Variants in HERC4 observed in about 807,000 individuals in gnomAD.
HERC4 encodes the protein probable E3 ubiquitin-protein ligase HERC4.
Under a neutral mutation model 124.3 loss-of-function variants are expected in HERC4, and 28 were observed. The observed-to-expected ratio is 0.23, with a 90% CI of 0.17 to 0.31. The LOEUF is 0.31. HERC4 is among the 10% of genes least tolerant of loss of function. The pLI is 1.00. For synonymous variants in HERC4, 407 were observed against 421.5 expected (o/e 0.97, Z 0.42); for missense variants, 713 against 1,229.3 (o/e 0.58, Z 6.28).
At chr10:67,973,854 C>T (rs2035401218) in intron 15 of HERC4, among the ~76,000 whole-genome samples, 1 of 151,910 alleles carries the variant, frequency 6.6e-6, no homozygotes, top group Admixed American at 6.6e-5. Context: ...GAGATCGAGA[C>T]CATTCAACAT....
intron 22 of HERC4, 99 bp from the exon 23 acceptor site, chr10:67,932,879 T>C: frequency 9.7e-7 from 1 of 1,030,710 alleles, no homozygotes; most frequent in Non-Finnish European, 1.4e-6. Context: ...CAATTTCTGC[T>C]ACATATCTAC....
chr10:68,029,228 C>T (rs917534514), intron 7 of HERC4, among the ~76,000 whole-genome samples: 1 of 152,078 alleles, frequency 6.6e-6, no homozygotes, highest in African/African-American at 2.4e-5. Context: ...CAGTGGCTCA[C>T]GCCTATAATC....
chr10:67,981,793 A>G (rs2035945930), intron 15 of HERC4, among the ~76,000 whole-genome samples: 1 of 152,036 alleles, frequency 6.6e-6, no homozygotes, highest in African/African-American at 2.4e-5. Context: ...CCCCATCTCT[A>G]CTAAAAAATA....
chr10:68,010,609 C>A (rs757668469), intron 9 of HERC4: 30 of 1,348,690 alleles, frequency 2.2e-5, no homozygotes, highest in Non-Finnish European at 3.0e-5. Flanking sequence ...ACGAGGGTTT[C>A]GGCTTTGCAT....
chr10:68,059,802 ATATAT>A (rs1265229003), intron 3 of HERC4, among the ~76,000 whole-genome samples: 5 of 88,650 alleles, frequency 5.6e-5, no homozygotes, highest in Non-Finnish European at 9.1e-5. Context: ...TCATAATATT[ATATAT>A]TATAATATTA....
At chr10:68,042,286 C>T (rs1032657039) in intron 4 of HERC4, among the ~76,000 whole-genome samples, 1 of 152,132 alleles carries the variant, frequency 6.6e-6, no homozygotes, top group Admixed American at 6.5e-5. Flanking sequence ...GGATTACAGG[C>T]GTGAGCCACT....
intron 15 of HERC4, among the ~76,000 whole-genome samples, chr10:67,978,601 A>G (rs1343464537): frequency 1.3e-5 from 2 of 152,214 alleles, no homozygotes; most frequent in South Asian, 2.1e-4. Flanking sequence ...GTGATTGTAG[A>G]GCGCCAGCAC....
chr10:68,032,060 C>CT (rs2039236145), intron 7 of HERC4, among the ~76,000 whole-genome samples: 1 of 152,146 alleles, frequency 6.6e-6, no homozygotes, highest in African/African-American at 2.4e-5. Context: ...ACGTTAATGT[C>CT]TTTTTACCAA....
In HERC4 at chr10:68,007,023, T is replaced by C. The variant is rs947651023; in HGVS notation, c.1069+7003A>G. ...TGAATACTGATATTTTTCTTTAGGA[T>C]TGAAAAGGTCTCTATTATTAGCTCT... On this transcript the variant is annotated intron_variant, in intron 9 of 24. Coordinates refer to ENST00000373700, the MANE Select transcript of HERC4 (RefSeq NM_015601.4). 2.6e-5 allele frequency among the ~76,000 whole-genome samples: 4 copies of C among 152,212 alleles called. No homozygotes were observed. The South Asian group carries it at 6.2e-4, about 24-fold the overall frequency.
At chr10:67,980,951 T>C (rs936558183) in intron 15 of HERC4, among the ~76,000 whole-genome samples, 1 of 149,846 alleles carries the variant, frequency 6.7e-6, no homozygotes, top group African/African-American at 2.5e-5. Flanking sequence ...CCAGAGAAAA[T>C]CACCTTCACT....
chr10:67,990,094 T>G, intron 14 of HERC4, 117 bp downstream of exon 14: 1 of 695,178 alleles, frequency 1.4e-6, no homozygotes, highest in Non-Finnish European at 2.3e-6. Flanking sequence ...AGGTTCATTT[T>G]TGCCTAAGAC....
intron 23 of HERC4, among the ~76,000 whole-genome samples, chr10:67,927,911 A>G (rs2031321128): frequency 6.6e-6 from 1 of 152,108 alleles, no homozygotes; most frequent in African/African-American, 2.4e-5. Flanking sequence ...GAGCAACCTA[A>G]GTAAAATTAT....
In HERC4 at chr10:67,922,394, C is replaced by CT. The variant is rs909270064; in HGVS notation, c.*536dup. Reference sequence around the variant, plus strand: ...GTTTCCACCATGCTACCTTTTTTTTCTTTTTATAGAGTCTCAGAGTAAGAT... The same window carrying CT: ...GTTTCCACCATGCTACCTTTTTTTTCTTTTTTATAGAGTCTCAGAGTAAGAT... On this transcript the variant is annotated 3_prime_UTR_variant, in exon 25 of 25. Coordinates refer to ENST00000373700, the MANE Select transcript of HERC4 (RefSeq NM_015601.4). The CT allele has an allele frequency of 3.3e-5, 5 of 151,190 alleles. No homozygotes were observed. Among genetic ancestry groups the CT allele is most frequent in the African/African-American group, 1.2e-4 (5 of 41,242 alleles). 9.4% of individuals were successfully genotyped at this position (151,190 alleles called of 1,614,324 possible).
intron 9 of HERC4, among the ~76,000 whole-genome samples, chr10:68,011,075 G>C (rs918175542): frequency 6.6e-6 from 1 of 152,116 alleles, no homozygotes; most frequent in Admixed American, 6.6e-5. Context: ...TTCCTCCCAT[G>C]AATCAAAGAC....
rs2032822889 is a variant in HERC4, at chr10:67,940,850, T to C, written c.2504+89A>G. 6.3e-6 allele frequency: 7 copies of C among 1,116,592 alleles called. No homozygotes were observed. The South Asian group carries it at 9.0e-5, about 14-fold the overall frequency. 69.2% of individuals were successfully genotyped at this position (1,116,592 alleles called of 1,614,324 possible). ...GAAATTTAACAAGAAGAACAAAATA[T>C]ATTTTTTCATAGAAGGAAAGCTTTC... is the stretch of plus-strand genomic sequence containing the variant. On this transcript the variant is annotated intron_variant, in intron 20 of 24. Coordinates refer to ENST00000373700, the MANE Select transcript of HERC4 (RefSeq NM_015601.4).
At chr10:67,937,871 G>A (rs2032507569) in intron 21 of HERC4, among the ~76,000 whole-genome samples, 1 of 151,628 alleles carries the variant, frequency 6.6e-6, no homozygotes, top group Admixed American at 6.6e-5. Flanking sequence ...TAGTAGAGAC[G>A]GGGTTTCACC....
intron 9 of HERC4, among the ~76,000 whole-genome samples, chr10:68,003,628 T>C (rs1222398629): frequency 6.6e-6 from 1 of 152,172 alleles, no homozygotes; most frequent in Non-Finnish European, 1.5e-5. Flanking sequence ...TGTCTTTCTG[T>C]GCTGGCTATT....
chr10:68,028,008 A>ATATC (rs397796879), intron 7 of HERC4, among the ~76,000 whole-genome samples: 1 of 147,016 alleles, frequency 6.8e-6, no homozygotes, highest in East Asian at 2.0e-4. Context: ...ATATATATAT[A>ATATC]ATAAAAATAA....
chr10:67,926,428 A>AC (rs1380772364), intron 23 of HERC4, among the ~76,000 whole-genome samples: 2 of 149,412 alleles, frequency 1.3e-5, no homozygotes, highest in African/African-American at 2.4e-5. Flanking sequence ...AAAAAAAAAA[A>AC]AAACAAAAAA....
Sources: allele counts gnomAD v4.1 joint callset (sites outside exome capture counted in the v4.1 genomes callset), GRCh38; gene constraint gnomAD v4.1.1; transcripts MANE v1.5; gene names NCBI Gene and HGNC (gene_info 2026-07-23, HGNC 2026-07-21).